The following LRRC4C variants were observed in gnomAD, a reference collection of about 807,000 sequenced individuals.
The protein encoded by LRRC4C is leucine-rich repeat-containing protein 4C.
LRRC4C carries 5 observed loss-of-function variants against 33.6 expected under a neutral mutation model. That is an observed-to-expected ratio of 0.15 (90% CI 0.08 to 0.31). LRRC4C has a LOEUF of 0.31. LRRC4C is among the 10% of genes least tolerant of loss of function. LRRC4C has a pLI of 1.00. For synonymous variants in LRRC4C, 329 were observed against 302.0 expected (o/e 1.09, Z -0.93); for missense variants, 560 against 796.7 (o/e 0.70, Z 3.58).
chr11:40,553,600 T>G (rs1395538110), intron 3 of LRRC4C, among the ~76,000 whole-genome samples: 1 of 152,170 alleles, frequency 6.6e-6, no homozygotes, highest in African/African-American at 2.4e-5. Context: ...ATTTTTGGAC[T>G]TTTTAATGAT....
intron 1 of LRRC4C, among the ~76,000 whole-genome samples, chr11:41,083,280 AT>A (rs1939713512): frequency 6.6e-6 from 1 of 152,054 alleles, no homozygotes; most frequent in Non-Finnish European, 1.5e-5. Context: ...AGGAAGACAA[AT>A]ATTTTCTAGA....
intron 1 of LRRC4C, among the ~76,000 whole-genome samples, chr11:41,344,830 C>A (rs1413171039): frequency 6.6e-6 from 1 of 152,110 alleles, no homozygotes; most frequent in Non-Finnish European, 1.5e-5. Flanking sequence ...GTTAATTGAA[C>A]ACGTTCAATT....
At chr11:41,051,154 T>C (rs1218173978) in intron 1 of LRRC4C, among the ~76,000 whole-genome samples, 1 of 152,164 alleles carries the variant, frequency 6.6e-6, no homozygotes, top group Non-Finnish European at 1.5e-5. Flanking sequence ...TTTGTAAATA[T>C]CTATGTTCTT....
chr11:40,641,453 A>G (rs1942115156), intron 3 of LRRC4C, among the ~76,000 whole-genome samples: 1 of 152,138 alleles, frequency 6.6e-6, no homozygotes, highest in African/African-American at 2.4e-5. Flanking sequence ...AAAGCTTTTC[A>G]CTCAAAGAGC....
At chr11:40,244,289 C>G (rs1185940473) in intron 4 of LRRC4C, among the ~76,000 whole-genome samples, 1 of 152,088 alleles carries the variant, frequency 6.6e-6, no homozygotes, top group Admixed American at 6.6e-5. Flanking sequence ...ACCCCCACTT[C>G]AGCCCCCCAT....
In LRRC4C at chr11:40,868,581, CCTTT is replaced by C. The variant is rs148486153; in HGVS notation, c.-407+65050_-407+65053del. Among the ~76,000 whole-genome samples, 903 of 152,212 alleles carry C rather than the reference CCTTT, an allele frequency of 5.9e-3. 12 individuals are homozygous for C. The highest frequency in any genetic ancestry group is 0.021 in the African/African-American group (871 of 41,544). On this transcript the variant is annotated intron_variant, in intron 2 of 6. Coordinates refer to ENST00000528697, the MANE Select transcript of LRRC4C (RefSeq NM_001258419.2). Reference sequence around the variant, plus strand: ...TAGATGAGAAGAGTTTCTTCCGATACCTTTCTATTTCCCTGCCCAACCCCTAAAG... The same window carrying C: ...TAGATGAGAAGAGTTTCTTCCGATACCTATTTCCCTGCCCAACCCCTAAAG...
At position 40,553,556 on chromosome 11, in the gene LRRC4C, C is replaced by A. The variant is rs548710261; in HGVS notation, c.-270+94586G>T. On this transcript the variant is annotated intron_variant, in intron 3 of 6. Coordinates refer to ENST00000528697, the MANE Select transcript of LRRC4C (RefSeq NM_001258419.2). Reference sequence around the variant, plus strand: ...TGTTTCCATTCTATCAAAGGGAATTCTGTGCAATACCACTGGGAATGGTAA... The same window carrying A: ...TGTTTCCATTCTATCAAAGGGAATTATGTGCAATACCACTGGGAATGGTAA... Among the ~76,000 whole-genome samples, 14 of 152,148 alleles carry A rather than the reference C, an allele frequency of 9.2e-5. No homozygotes were observed. In the South Asian group the frequency reaches 2.3e-3, roughly 25 times the overall value.
chr11:40,638,527 C>A (rs1453115998), intron 3 of LRRC4C, among the ~76,000 whole-genome samples: 1 of 152,116 alleles, frequency 6.6e-6, no homozygotes, highest in Non-Finnish European at 1.5e-5. Context: ...ATAAATGTGA[C>A]AATGCCTCGG....
At chr11:41,452,814 G>A (rs1283935746) in intron 1 of LRRC4C, among the ~76,000 whole-genome samples, 2 of 151,872 alleles carry the variant, frequency 1.3e-5, no homozygotes, top group Non-Finnish European at 2.9e-5. Flanking sequence ...TTCATGTGCT[G>A]GTAATAATTT....
intron 4 of LRRC4C, among the ~76,000 whole-genome samples, chr11:40,250,649 G>A (rs1866717047): frequency 2.6e-5 from 4 of 152,068 alleles, no homozygotes; most frequent in Non-Finnish European, 5.9e-5. Flanking sequence ...TGAGGCAGGA[G>A]AATCGCTTGA....
chr11:40,762,771 TC>T (rs1949282160), intron 2 of LRRC4C, among the ~76,000 whole-genome samples: 1 of 152,074 alleles, frequency 6.6e-6, no homozygotes, highest in African/African-American at 2.4e-5. Context: ...TTTAGTCTAG[TC>T]CAGTCTCTGT....
intron 2 of LRRC4C, among the ~76,000 whole-genome samples, chr11:40,750,930 G>C (rs1948661894): frequency 6.6e-6 from 1 of 152,070 alleles, no homozygotes; most frequent in African/African-American, 2.4e-5. Context: ...CATGACAAGT[G>C]GTATTTACAT....
At chr11:40,569,866 T>C (rs1957913609) in intron 3 of LRRC4C, among the ~76,000 whole-genome samples, 2 of 152,088 alleles carry the variant, frequency 1.3e-5, no homozygotes, top group Non-Finnish European at 2.9e-5. Context: ...AAAAATTGTG[T>C]ATACATATAG....
At chr11:41,145,549 G>C (rs933420598) in intron 1 of LRRC4C, among the ~76,000 whole-genome samples, 2 of 129,804 alleles carry the variant, frequency 1.5e-5, no homozygotes, top group Admixed American at 7.4e-5. Flanking sequence ...CGGCAGAGTT[G>C]AATAGTTCCC....
At chr11:41,284,829 G>T (rs1260261518) in intron 1 of LRRC4C, among the ~76,000 whole-genome samples, 6 of 152,116 alleles carry the variant, frequency 3.9e-5, no homozygotes, top group Non-Finnish European at 7.4e-5. Context: ...TGTCTTGTTT[G>T]AAAAAGCAAC....
intron 1 of LRRC4C, among the ~76,000 whole-genome samples, chr11:41,071,978 C>A (rs1938720136): frequency 6.6e-6 from 1 of 152,032 alleles, no homozygotes; most frequent in African/African-American, 2.4e-5. Flanking sequence ...AGAATTGCAG[C>A]CCGGAGATGT....
chr11:40,824,188 A>G (rs1952061988), intron 2 of LRRC4C, among the ~76,000 whole-genome samples: 1 of 151,812 alleles, frequency 6.6e-6, no homozygotes, highest in Non-Finnish European at 1.5e-5. Context: ...TTGGGGGTTG[A>G]TTGAAATATC....
chr11:40,421,630 C>G (rs1469107990), intron 3 of LRRC4C, among the ~76,000 whole-genome samples: 2 of 152,120 alleles, frequency 1.3e-5, no homozygotes, highest in South Asian at 4.2e-4. Flanking sequence ...CTGATCTGCC[C>G]CACTCATCGA....
At chr11:40,545,186 A>T (rs1956865490) in intron 3 of LRRC4C, among the ~76,000 whole-genome samples, 1 of 151,956 alleles carries the variant, frequency 6.6e-6, no homozygotes, top group Admixed American at 6.6e-5. Flanking sequence ...TAATAACCAT[A>T]CCATGTTTTA....
Sources: allele counts gnomAD v4.1 joint callset (sites outside exome capture counted in the v4.1 genomes callset), GRCh38; gene constraint gnomAD v4.1.1; transcripts MANE v1.5; gene names NCBI Gene and HGNC (gene_info 2026-07-23, HGNC 2026-07-21).